The following DLGAP1 variants were observed in gnomAD, a reference collection of about 807,000 sequenced individuals.
The protein encoded by DLGAP1 is DLG associated protein 1.
A neutral mutation model predicts 90.8 loss-of-function variants in DLGAP1; 11 were observed. That is an observed-to-expected ratio of 0.12 (90% CI 0.08 to 0.20). The LOEUF is 0.20. Among genes scored for constraint, DLGAP1 ranks in the 10% least tolerant of loss-of-function variants. The pLI is 1.00. For synonymous variants in DLGAP1, 558 were observed against 540.7 expected, an observed-to-expected ratio of 1.03 and a Z score of -0.44; for missense variants, 1,050 against 1,333.8, an observed-to-expected ratio of 0.79 and a Z score of 3.31.
At chr18:4,283,403 ATTTT>A (rs2079602202) in intron 1 of DLGAP1, among the ~76,000 whole-genome samples, 1 of 152,222 alleles carries the variant, frequency 6.6e-6, no homozygotes, top group African/African-American at 2.4e-5. Flanking sequence ...GATTAGATTT[ATTTT>A]GATTTCCTGA....
At chr18:4,066,748 A>G (rs1422978450) in intron 2 of DLGAP1, among the ~76,000 whole-genome samples, 3 of 152,144 alleles carry the variant, frequency 2.0e-5, no homozygotes, top group African/African-American at 7.2e-5. Flanking sequence ...TAATGTAGCC[A>G]TTGTGGAGGA....
rs1044289541 is a variant in DLGAP1, at chr18:4,163,666, T to C, written c.-266-12379A>G. Among the ~76,000 whole-genome samples the C allele has an allele frequency of 5.9e-5, 9 of 152,198 alleles. 1 individual carries two copies. Among genetic ancestry groups the C allele is most frequent in the African/African-American group, 2.2e-4 (9 of 41,454 alleles). ...TATAATAATTAGCTAAGACAGTCCA[T>C]TCCCGAAGCAAAAACAGTGAACAGA... On this transcript the variant is annotated intron_variant, in intron 1 of 12. Coordinates refer to ENST00000315677, the MANE Select transcript of DLGAP1 (RefSeq NM_004746.4).
intron 5 of DLGAP1, among the ~76,000 whole-genome samples, chr18:3,763,788 A>G (rs1016855552): frequency 2.0e-5 from 3 of 151,840 alleles, no homozygotes; most frequent in African/African-American, 7.3e-5. Context: ...CAGTCTCCCA[A>G]GTAGCTCGGA....
chr18:3,670,992 T>G (rs1405534652), intron 7 of DLGAP1, among the ~76,000 whole-genome samples: 1 of 152,252 alleles, frequency 6.6e-6, no homozygotes, highest in Non-Finnish European at 1.5e-5. Flanking sequence ...AAATCCTTAA[T>G]GTGGCTTACA....
chr18:4,205,530 T>C (rs2144843377), intron 1 of DLGAP1, among the ~76,000 whole-genome samples: 1 of 152,330 alleles, frequency 6.6e-6, no homozygotes, highest in Non-Finnish European at 1.5e-5. Flanking sequence ...TCTCATTCTG[T>C]CACGCAGGCC....
chr18:4,400,698 G>A (rs1567891639), intron 1 of DLGAP1, among the ~76,000 whole-genome samples: 1 of 152,142 alleles, frequency 6.6e-6, no homozygotes, highest in East Asian at 1.9e-4. Context: ...AAAGTCAGAA[G>A]TTGAGAAAAT....
chr18:3,544,417 C>T (rs1242960860), intron 9 of DLGAP1, among the ~76,000 whole-genome samples: 1 of 152,086 alleles, frequency 6.6e-6, no homozygotes, highest in Non-Finnish European at 1.5e-5. Flanking sequence ...TAAAAAGAAG[C>T]TGAAAGTATT....
intron 1 of DLGAP1, among the ~76,000 whole-genome samples, chr18:4,337,144 A>G (rs1321481415): frequency 4.9e-4 from 71 of 143,958 alleles, no homozygotes; most frequent in African/African-American, 1.6e-3. Flanking sequence ...AAAAAAAAAG[A>G]GCAAAAGTAG....
chr18:4,057,004 T>TACACAC lies in DLGAP1; in HGVS notation c.-158-51809_-158-51804dup, dbSNP rs55887550. The stretch of plus-strand genomic sequence containing the variant: ...GCATTTATTAGCAACTGACCATACA[T>TACACAC]ACACACACACACACACACACACACA... On this transcript the variant is annotated intron_variant, in intron 2 of 12. Transcript: ENST00000315677. Among the ~76,000 whole-genome samples the TACACAC allele has an allele frequency of 6.2e-3, 714 of 115,070 alleles. 8 individuals are homozygous for TACACAC. Among genetic ancestry groups the TACACAC allele is most frequent in the Admixed American group, 0.011 (123 of 11,412 alleles). The allele number at this position is 115,070 out of a possible 152,430, so 75.5% of individuals were successfully genotyped here.
chr18:4,211,249 G>A (rs1195505445), intron 1 of DLGAP1, among the ~76,000 whole-genome samples: 1 of 152,096 alleles, frequency 6.6e-6, no homozygotes, highest in East Asian at 1.9e-4. Flanking sequence ...TTATGTTGAG[G>A]GTTGAGTTAC....
intron 2 of DLGAP1, among the ~76,000 whole-genome samples, chr18:4,075,315 T>C (rs1250470932): frequency 6.6e-6 from 1 of 152,182 alleles, no homozygotes. Flanking sequence ...TGTGACTGGG[T>C]CAACCTTTCT....
chr18:4,236,367 T>C (rs2078414619), intron 1 of DLGAP1, among the ~76,000 whole-genome samples: 1 of 152,200 alleles, frequency 6.6e-6, no homozygotes, highest in Non-Finnish European at 1.5e-5. Context: ...AAGTCCATTA[T>C]GTCTCTTGGA....
intron 7 of DLGAP1, among the ~76,000 whole-genome samples, chr18:3,585,610 TA>T (rs2055832285): frequency 1.3e-5 from 2 of 152,232 alleles, no homozygotes; most frequent in South Asian, 4.1e-4. Context: ...TGCTTCTTGT[TA>T]GCTCTCCTTG....
chr18:3,798,943 G>A (rs760313635), intron 5 of DLGAP1, among the ~76,000 whole-genome samples: 3 of 151,302 alleles, frequency 2.0e-5, no homozygotes, highest in Non-Finnish European at 4.4e-5. Flanking sequence ...GTGCAATCTC[G>A]GCTCACTGCA....
chr18:3,670,032 G>A (rs1013021005), intron 7 of DLGAP1, among the ~76,000 whole-genome samples: 1 of 152,162 alleles, frequency 6.6e-6, no homozygotes, highest in Non-Finnish European at 1.5e-5. Context: ...CATAGGGTGT[G>A]CGATGGGAAC....
chr18:4,244,139 T>C (rs937219410), intron 1 of DLGAP1, among the ~76,000 whole-genome samples: 8 of 152,140 alleles, frequency 5.3e-5, no homozygotes, highest in Admixed American at 4.6e-4. Context: ...GTCCATTCTA[T>C]CAAGATAATA....
At chr18:3,774,758 C>A (rs1348430062) in intron 5 of DLGAP1, 1 of 152,166 alleles carries the variant, frequency 6.6e-6, no homozygotes, top group East Asian at 1.9e-4. Flanking sequence ...ATATGGAGCT[C>A]GGACATGCTG....
chr18:3,611,806 C>T (rs867078114), intron 7 of DLGAP1, among the ~76,000 whole-genome samples: 5 of 152,232 alleles, frequency 3.3e-5, no homozygotes, highest in African/African-American at 1.2e-4. Context: ...CTCTTTGCCT[C>T]CATAGTCAGC....
chr18:4,414,093 T>C (rs1356154085), intron 1 of DLGAP1, among the ~76,000 whole-genome samples: 1 of 152,198 alleles, frequency 6.6e-6, no homozygotes, highest in African/African-American at 2.4e-5. Flanking sequence ...GTGAACTTAG[T>C]TTCTTCATCT....
Sources: gnomAD v4.1 joint callset for allele counts (sites outside exome capture counted in the v4.1 genomes callset) on GRCh38, gnomAD v4.1.1 for gene constraint, MANE v1.5 for transcripts, NCBI Gene and HGNC (gene_info 2026-07-23, HGNC 2026-07-21) for gene names.